DIAPH3: variants seen among roughly 807,000 people sequenced by gnomAD.
DIAPH3 encodes protein diaphanous homolog 3.
DIAPH3 carries 117 observed loss-of-function variants against 144.3 expected under a neutral mutation model. The observed-to-expected ratio is 0.81, with a 90% CI of 0.70 to 0.95. The LOEUF (loss-of-function observed/expected upper bound fraction) is 0.95, where lower values mean the gene tolerates loss of function less well. Ranked by LOEUF, DIAPH3 falls within the 40% of genes least tolerant of loss-of-function variation. DIAPH3 has a pLI of 0.00. For synonymous variants in DIAPH3, 519 were observed against 488.9 expected, an observed-to-expected ratio of 1.06 and a Z score of -0.81; for missense variants, 1,421 against 1,412.7, an observed-to-expected ratio of 1.01 and a Z score of -0.09.
chr13:59,787,233 T>G (rs1180135553), intron 25 of DIAPH3, among the ~76,000 whole-genome samples: 1 of 152,194 alleles, frequency 6.6e-6, no homozygotes, highest in South Asian at 2.1e-4. Flanking sequence ...CAATAACTAC[T>G]GTGGTAGCAT....
intron 27 of DIAPH3, among the ~76,000 whole-genome samples, chr13:59,769,607 T>C (rs770950480): frequency 1.3e-5 from 2 of 152,018 alleles, no homozygotes; most frequent in Admixed American, 6.6e-5. Context: ...TAGCAGCCGA[T>C]TCATACTGGC....
At chr13:59,895,449 A>G (rs1266383781) in intron 20 of DIAPH3, among the ~76,000 whole-genome samples, 2 of 151,542 alleles carry the variant, frequency 1.3e-5, no homozygotes, top group Admixed American at 1.3e-4. Flanking sequence ...AAAAACAAAA[A>G]AAAAACACAT....
chr13:59,860,495 T>A (rs565421780), intron 22 of DIAPH3, among the ~76,000 whole-genome samples: 233 of 152,212 alleles, frequency 1.5e-3, no homozygotes, highest in Middle Eastern at 3.4e-3. Context: ...TCCCAGCACT[T>A]TGGGAGGCTG....
At chr13:60,042,841 T>C in intron 4 of DIAPH3, 21 bp from the exon 5 acceptor site, 2 of 1,611,968 alleles carry the variant, frequency 1.2e-6, no homozygotes. Context: ...AGTCAAAAAA[T>C]GTTTTGATTA....
At chr13:59,722,262 C>G (rs1050998992) in intron 27 of DIAPH3, among the ~76,000 whole-genome samples, 4 of 152,140 alleles carry the variant, frequency 2.6e-5, no homozygotes, top group African/African-American at 9.7e-5. Flanking sequence ...TATGACATGG[C>G]CTTTATTGAT....
chr13:59,975,377 C>A (rs2050619621), intron 14 of DIAPH3, among the ~76,000 whole-genome samples: 1 of 151,946 alleles, frequency 6.6e-6, no homozygotes, highest in African/African-American at 2.4e-5. Context: ...TCCTTAATAA[C>A]ACTAAGAGGC....
chr13:59,740,669 C>G (rs1220713680), intron 27 of DIAPH3, among the ~76,000 whole-genome samples: 1 of 152,096 alleles, frequency 6.6e-6, no homozygotes, highest in East Asian at 1.9e-4. Context: ...AAAATTTCAT[C>G]AAGTTGTATA....
chr13:60,079,880 G>T, intron 4 of DIAPH3, among the ~76,000 whole-genome samples: 1 of 151,646 alleles, frequency 6.6e-6, no homozygotes. Context: ...TATTTTCTCA[G>T]GCTCATTTTA....
intron 1 of DIAPH3, among the ~76,000 whole-genome samples, chr13:60,161,930 C>G (rs1952313704): frequency 6.6e-6 from 1 of 152,040 alleles, no homozygotes; most frequent in African/African-American, 2.4e-5. Context: ...AATTAATGAA[C>G]TGGAAGATAT....
At position 59,991,075 on chromosome 13, in the gene DIAPH3, G is replaced by T. The variant is rs577833377; in HGVS notation, c.1361+83C>A. The T allele has an allele frequency of 1.1e-5, 10 of 871,132 alleles. No individual in the cohort carries two copies. In the South Asian group the frequency reaches 1.5e-4, roughly 13 times the overall value. 54.0% of individuals were successfully genotyped at this position (871,132 alleles called of 1,614,324 possible). A position where few individuals can be genotyped will look rare whatever the true frequency, so the allele number is the denominator to read the frequency against. ...TGACAAAAATAAAAATCATTTGCTT[G>T]TCAAAGGCAAATATGATGTGAATTT... On this transcript the variant is annotated intron_variant, in intron 12 of 27. Coordinates refer to ENST00000400324, the MANE Select transcript of DIAPH3 (RefSeq NM_001042517.2).
chr13:59,855,686 C>T (rs1168255874), intron 22 of DIAPH3, among the ~76,000 whole-genome samples: 2 of 151,346 alleles, frequency 1.3e-5, no homozygotes, highest in Non-Finnish European at 2.9e-5. Context: ...AGAACCAGCA[C>T]TACACAACTT....
At chr13:59,705,633 A>G (rs1211393363) in intron 27 of DIAPH3, among the ~76,000 whole-genome samples, 1 of 152,230 alleles carries the variant, frequency 6.6e-6, no homozygotes. Context: ...GCATGAAAAT[A>G]TTGTTGAAGT....
chr13:59,975,219 A>C (rs1423660191), intron 14 of DIAPH3, among the ~76,000 whole-genome samples: 3 of 152,000 alleles, frequency 2.0e-5, no homozygotes, highest in Non-Finnish European at 2.9e-5. Context: ...AAAAAAAATC[A>C]ATCAAAAAAA....
chr13:59,825,780 T>C (rs941685831), intron 24 of DIAPH3, among the ~76,000 whole-genome samples: 14 of 152,202 alleles, frequency 9.2e-5, no homozygotes, highest in Non-Finnish European at 1.8e-4. Flanking sequence ...ATTTCTCTGA[T>C]GGCCAGTGAT....
At chr13:59,946,376 T>C (rs1290223415) in intron 17 of DIAPH3, among the ~76,000 whole-genome samples, 1 of 152,152 alleles carries the variant, frequency 6.6e-6, no homozygotes, top group African/African-American at 2.4e-5. Context: ...TTATTAATGA[T>C]GGGGAAAGTG....
Position 59,879,276 on chromosome 13 carries a change from A to G in DIAPH3, c.2560T>C (p.Ser854Pro). The change falls in exon 21 of 28, where the codon TCC becomes CCC. Residue 854 changes from serine (S) to proline (P), a missense_variant. By Grantham distance (74) the Ser-to-Pro change is moderately conservative (BLOSUM62 -1). Transcript: ENST00000400324. ...AATCCGAAGGTTTGAGCATTCCGGGAGCCAGCATTCATGTAGTTTCCCATT... is the reference window on the plus strand; with the variant it reads ...AATCCGAAGGTTTGAGCATTCCGGGGGCCAGCATTCATGTAGTTTCCCATT... Reference protein sequence around the residue: ...LLMGNYMNAGSRNAQTFGFNL... With the variant: ...LLMGNYMNAGPRNAQTFGFNL... 6.2e-7 allele frequency: 1 copy of G among 1,613,872 alleles called. No individual in the cohort carries two copies. The highest frequency in any genetic ancestry group is 8.5e-7 in the Non-Finnish European group (1 of 1,179,830).
chr13:60,089,059 G>T (rs1441319865), intron 4 of DIAPH3, among the ~76,000 whole-genome samples: 1 of 152,096 alleles, frequency 6.6e-6, no homozygotes, highest in African/African-American at 2.4e-5. Context: ...AGTCTCCCAT[G>T]ACCCCCATCA....
intron 2 of DIAPH3, among the ~76,000 whole-genome samples, chr13:60,117,252 C>T (rs974716538): frequency 1.1e-4 from 16 of 151,966 alleles, no homozygotes; most frequent in South Asian, 2.1e-4. Context: ...CTAGTATAGA[C>T]GGATGAAGGC....
intron 27 of DIAPH3, among the ~76,000 whole-genome samples, chr13:59,737,408 T>C (rs1211426562): frequency 1.3e-5 from 2 of 152,196 alleles, no homozygotes; most frequent in African/African-American, 2.4e-5. Flanking sequence ...TCACCATTTA[T>C]TGAGAATCTA....
Sources: gnomAD v4.1 joint callset for allele counts (sites outside exome capture counted in the v4.1 genomes callset) on GRCh38, gnomAD v4.1.1 for gene constraint, MANE v1.5 for transcripts, NCBI Gene and HGNC (gene_info 2026-07-23, HGNC 2026-07-21) for gene names.